The following CNIH3 variants were observed in gnomAD, a reference collection of about 807,000 sequenced individuals.
CNIH3 encodes the protein protein cornichon homolog 3.
A neutral mutation model predicts 24.1 loss-of-function variants in CNIH3; 14 were observed. The ratio of observed to expected loss-of-function variants is 0.58; its 90% CI spans 0.38 to 0.91. The LOEUF is 0.91. Ranked by LOEUF, CNIH3 falls within the 40% of genes least tolerant of loss-of-function variation. The pLI, the probability that CNIH3 is intolerant of heterozygous loss-of-function variation, is 0.00. For missense variants in CNIH3, 178 were observed against 196.8 expected (o/e 0.90, Z 0.57); for synonymous variants, 68 against 73.8 (o/e 0.92, Z 0.40).
chr1:224,596,122 A>G (rs1197352476), intron 3 of CNIH3, among the ~76,000 whole-genome samples: 1 of 152,266 alleles, frequency 6.6e-6, no homozygotes, highest in Non-Finnish European at 1.5e-5. Context: ...GGGAGATGCC[A>G]TCTAGGCATC....
At chr1:224,723,546 GC>G (rs919413886) in intron 3 of CNIH3, among the ~76,000 whole-genome samples, 1 of 152,236 alleles carries the variant, frequency 6.6e-6, no homozygotes, top group Non-Finnish European at 1.5e-5. Flanking sequence ...GCTGGAAGCA[GC>G]CCGTCACTCC....
chr1:224,527,406 T>C (rs1489415909), intron 2 of CNIH3, among the ~76,000 whole-genome samples: 8 of 152,234 alleles, frequency 5.3e-5, no homozygotes, highest in Non-Finnish European at 1.2e-4. Context: ...CTTTATTTTC[T>C]TCACTTCACA....
At chr1:224,588,484 T>A (rs1374319859) in exon 6 of CNIH3, 1 of 152,032 alleles carries the variant, frequency 6.6e-6, no homozygotes. Context: ...CCATTTAAGA[T>A]CTTTCCAAGC....
At position 224,604,563 on chromosome 1, in the gene CNIH3, G is replaced by A. The variant is rs749605057; in HGVS notation, n.402+38299G>A. Among the ~76,000 whole-genome samples the A allele has an allele frequency of 6.6e-6, 1 of 152,192 alleles. No homozygotes were observed. Among genetic ancestry groups the A allele is most frequent in the Non-Finnish European group, 1.5e-5 (1 of 68,038 alleles). The stretch of plus-strand genomic sequence containing the variant: ...GTGGAAGAGACAAGTCCTCAGAGAT[G>A]TGGTTATGTGGCACCAGGGAGGCTG... On this transcript the variant is annotated intron_variant and non_coding_transcript_variant, in intron 3 of 7. Coordinates refer to the CNIH3 transcript ENST00000478120. The surrounding 1 kb of genome is among the most constrained non-coding windows in gnomAD (Gnocchi z 4.4).
chr1:224,580,621 G>C (rs1681233180), intron 4 of CNIH3, among the ~76,000 whole-genome samples: 1 of 152,034 alleles, frequency 6.6e-6, no homozygotes. Flanking sequence ...GAGGTCAGGA[G>C]ATCGAGACCA....
chr1:224,560,243 C>T (rs781756529), intron 3 of CNIH3, among the ~76,000 whole-genome samples: 2 of 152,156 alleles, frequency 1.3e-5, no homozygotes, highest in Non-Finnish European at 2.9e-5. Flanking sequence ...ACTTCCATAC[C>T]TAGGAGTGGA....
intron 1 of CNIH3, among the ~76,000 whole-genome samples, chr1:224,479,311 G>C (rs902558775): frequency 1.3e-5 from 2 of 151,952 alleles, no homozygotes; most frequent in African/African-American, 2.4e-5. Flanking sequence ...GCGTCACCAC[G>C]CCCGGCTAAT....
intron 3 of CNIH3, among the ~76,000 whole-genome samples, chr1:224,603,900 CT>C (rs1333260698): frequency 6.6e-6 from 1 of 152,104 alleles, no homozygotes; most frequent in African/African-American, 2.4e-5. Context: ...AGTTGGTTGT[CT>C]CTTTATTCTA....
In CNIH3 at chr1:224,704,777, G is replaced by A. The variant is rs1558313341; in HGVS notation, c.198+19934G>A. Among the ~76,000 whole-genome samples, 1 of 152,210 alleles carries A rather than the reference G, an allele frequency of 6.6e-6. No individual in the cohort carries two copies. Among genetic ancestry groups the A allele is most frequent in the East Asian group, 1.9e-4 (1 of 5,182 alleles). ...TAGTTTCCCTATAGTATTCTTTATA[G>A]TTGTTGTTGTTGCTTTTTAAATTCA... On this transcript the variant is annotated intron_variant, in intron 3 of 5. Coordinates refer to ENST00000272133, the MANE Select transcript of CNIH3 (RefSeq NM_152495.2). This position sits in a 1 kb window ranked among gnomAD's most constrained non-coding sequence, Gnocchi z 4.2.
chr1:224,481,501 G>A (rs888435978), intron 1 of CNIH3, among the ~76,000 whole-genome samples: 1 of 152,176 alleles, frequency 6.6e-6, no homozygotes, highest in African/African-American at 2.4e-5. Context: ...TGTGGCTCTT[G>A]CAGACTCATA....
rs1259319510 is a variant in CNIH3 at position 224,604,490 on chromosome 1, T to C, written n.402+38226T>C. Among the ~76,000 whole-genome samples, 2 of 152,146 alleles carry C rather than the reference T, an allele frequency of 1.3e-5. No individual in the cohort carries two copies. The highest frequency in any genetic ancestry group is 1.5e-5 in the Non-Finnish European group (1 of 68,026). On this transcript the variant is annotated intron_variant and non_coding_transcript_variant, in intron 3 of 7. Coordinates refer to the CNIH3 transcript ENST00000478120. The surrounding 1 kb of genome is among the most constrained non-coding windows in gnomAD (Gnocchi z 4.4). ...CCTGTGGACTGGACAGAGGCTGAGA[T>C]GGAGCCTCTGAAGAAGGGACCCCTA...
chr1:224,532,601 C>G (rs531133327), intron 2 of CNIH3, among the ~76,000 whole-genome samples: 1 of 152,240 alleles, frequency 6.6e-6, no homozygotes, highest in East Asian at 1.9e-4. Context: ...GGACAACCAA[C>G]AGGTATTTAT....
chr1:224,463,836 G>T (rs144167446), intron 1 of CNIH3, among the ~76,000 whole-genome samples: 4,725 of 127,950 alleles, frequency 0.037, 282 homozygotes, highest in African/African-American at 0.13. Context: ...TGTCGCCCAG[G>T]CTGGAGTGCA....
rs1689003507 is a variant in CNIH3 at position 224,725,955 on chromosome 1, TACC to T, written c.199-4505_199-4503del. Among the ~76,000 whole-genome samples the T allele has an allele frequency of 2.6e-5, 4 of 152,254 alleles. No individual in the cohort carries two copies. The East Asian group carries it at 7.7e-4, about 29-fold the overall frequency. On this transcript the variant is annotated intron_variant, in intron 3 of 5. Transcript: ENST00000272133. ...TATTGTTTTCATAATCTATAAAGGG[TACC>T]AATCAGCTGCAGGTCATTGATGGGA...
chr1:224,450,494 G>A (rs758223245), intron 1 of CNIH3, among the ~76,000 whole-genome samples: 2 of 152,124 alleles, frequency 1.3e-5, no homozygotes, highest in Non-Finnish European at 1.5e-5. Context: ...GAGCATTCCA[G>A]GCAGAGGGAA....
upstream of CNIH3, chr1:224,615,309 T>G (rs186012646): frequency 6.6e-6 from 1 of 152,240 alleles, no homozygotes; most frequent in East Asian, 1.9e-4. Context: ...TTCCTTGCTT[T>G]CTGGATTTGA....
chr1:224,646,191 TCA>T (rs946259695), intron 1 of CNIH3, among the ~76,000 whole-genome samples: 4 of 152,284 alleles, frequency 2.6e-5, no homozygotes, highest in Admixed American at 2.6e-4. Context: ...ATTGGAGACA[TCA>T]CAGAGAGGTG....
At chr1:224,435,258 C>T (rs1674598986) in intron 1 of CNIH3, 1 of 966,730 alleles carries the variant, frequency 1.0e-6, no homozygotes, top group Admixed American at 6.1e-5. Context: ...TGGTAGGCCC[C>T]TCTCAATGGT....
At chr1:224,473,645 T>C (rs1361765682) in intron 1 of CNIH3, among the ~76,000 whole-genome samples, 1 of 152,110 alleles carries the variant, frequency 6.6e-6, no homozygotes, top group African/African-American at 2.4e-5. Flanking sequence ...CACACAGGTA[T>C]GTAAAGGAAA....
Sources: gnomAD v4.1 joint callset for allele counts (sites outside exome capture counted in the v4.1 genomes callset) on GRCh38, gnomAD v4.1.1 for gene constraint, Gnocchi (gnomAD v3.1) non-coding constraint, MANE v1.5 for transcripts, NCBI Gene and HGNC (gene_info 2026-07-23, HGNC 2026-07-21) for gene names.